The following PDZD8 variants were observed in gnomAD, a reference collection of about 807,000 sequenced individuals.
PDZD8 encodes PDZ domain containing 8, also known as PDZ domain-containing protein 8.
PDZD8 carries 14 observed loss-of-function variants against 85.8 expected under a neutral mutation model. The ratio of observed to expected loss-of-function variants is 0.16; its 90% CI spans 0.11 to 0.26. The LOEUF (loss-of-function observed/expected upper bound fraction) is 0.26. Among genes scored for constraint, PDZD8 ranks in the 10% least tolerant of loss-of-function variants. The pLI is 1.00. For synonymous variants in PDZD8, 592 were observed against 568.6 expected (o/e 1.04, Z -0.59); for missense variants, 1,197 against 1,424.3 (o/e 0.84, Z 2.57).
chr10:117,352,375 A>G (rs1255592863), intron 1 of PDZD8, among the ~76,000 whole-genome samples: 1 of 152,216 alleles, frequency 6.6e-6, no homozygotes, highest in Non-Finnish European at 1.5e-5. Context: ...AGAGCTAGTG[A>G]AAAAAGGACA....
chr10:117,355,028 T>C (rs1844868977), intron 1 of PDZD8, among the ~76,000 whole-genome samples: 1 of 152,192 alleles, frequency 6.6e-6, no homozygotes, highest in South Asian at 2.1e-4. Context: ...GAAAACAAAG[T>C]ACAATGGTTC....
At chr10:117,335,286 C>T (rs750049535) in intron 2 of PDZD8, among the ~76,000 whole-genome samples, 1 of 152,086 alleles carries the variant, frequency 6.6e-6, no homozygotes, top group Non-Finnish European at 1.5e-5. Flanking sequence ...AATTTGTTGC[C>T]AGCAGACCTA....
intron 3 of PDZD8, among the ~76,000 whole-genome samples, chr10:117,312,867 G>A (rs1055950602): frequency 6.6e-5 from 10 of 151,844 alleles, no homozygotes; most frequent in African/African-American, 2.4e-4. Context: ...TTGTATTATA[G>A]CAACCATAAA....
intron 3 of PDZD8, among the ~76,000 whole-genome samples, chr10:117,299,977 A>G (rs117345189): frequency 0.032 from 4,902 of 152,206 alleles, 88 homozygotes; most frequent in South Asian, 0.039. Flanking sequence ...TTTTAAAACA[A>G]CAGAACCACC....
intron 1 of PDZD8, among the ~76,000 whole-genome samples, chr10:117,364,182 GT>G (rs1564713919): frequency 8.0e-4 from 9 of 11,258 alleles, no homozygotes; most frequent in Middle Eastern, 0.17. Context: ...TAATTTATGG[GT>G]GTGTGTGTGT....
chr10:117,346,111 T>C (rs954253983), intron 1 of PDZD8, among the ~76,000 whole-genome samples: 1 of 151,256 alleles, frequency 6.6e-6, no homozygotes, highest in African/African-American at 2.4e-5. Context: ...CGTGGTGGCA[T>C]GCACCTGTAA....
Position 117,375,171 on chromosome 10 carries a change from G to A in PDZD8, c.57C>T (p.Leu19=), listed in dbSNP as rs371380367. The change falls in exon 1 of 5, where the codon CTC becomes CTT. Residue 19 remains leucine (L), a synonymous_variant. Transcript: ENST00000334464. ...ASAVLGSFLT[L]LAQFFLLYRR... ...GGTACAGCAGGAAGAACTGGGCGAG[G>A]AGCGTGAGGAAGGAACCCAGCACGG... 1.3e-6 allele frequency: 2 copies of A among 1,582,180 alleles called. No homozygotes were observed. The highest frequency in any genetic ancestry group is 1.7e-6 in the Non-Finnish European group (2 of 1,170,598).
intron 1 of PDZD8, among the ~76,000 whole-genome samples, chr10:117,345,039 C>T (rs1252950743): frequency 2.0e-5 from 3 of 152,190 alleles, no homozygotes; most frequent in Non-Finnish European, 4.4e-5. Context: ...TGTGGTATCA[C>T]CCAGAGAGAA....
intron 1 of PDZD8, among the ~76,000 whole-genome samples, chr10:117,373,604 C>CAAAAAAAAAAAAA (rs796930758): frequency 1.9e-5 from 1 of 52,430 alleles, no homozygotes; most frequent in African/African-American, 6.7e-5. Flanking sequence ...CTAAAAAATA[C>CAAAAAAAAAAAAA]AAAAAAAAAA....
In PDZD8 at chr10:117,352,288, T is replaced by C. The variant is rs117540131; in HGVS notation, c.873-11186A>G. ...GGTCTAGATCTACTGTTAACTGCAG[T>C]TGAGCGTTCATGTTCTTGCTCAAGT... On this transcript the variant is annotated intron_variant, in intron 1 of 4. Coordinates refer to ENST00000334464, the MANE Select transcript of PDZD8 (RefSeq NM_173791.5). Among the ~76,000 whole-genome samples, 813 of 152,314 alleles carry C rather than the reference T, an allele frequency of 5.3e-3. 1 individual carries two copies. Among genetic ancestry groups the C allele is most frequent in the Admixed American group, 0.012 (186 of 15,308 alleles).
intron 1 of PDZD8, among the ~76,000 whole-genome samples, chr10:117,349,305 C>T (rs929829454): frequency 2.0e-5 from 3 of 152,082 alleles, no homozygotes; most frequent in Non-Finnish European, 4.4e-5. Flanking sequence ...AAGGAATACT[C>T]TGAAAATCTG....
At chr10:117,372,336 T>G (rs1845208110) in intron 1 of PDZD8, among the ~76,000 whole-genome samples, 1 of 152,220 alleles carries the variant, frequency 6.6e-6, no homozygotes. Flanking sequence ...TTTTTCAAAG[T>G]AATAAACTTC....
intron 3 of PDZD8, among the ~76,000 whole-genome samples, chr10:117,306,915 C>CA (rs1843953370): frequency 6.6e-6 from 1 of 152,090 alleles, no homozygotes; most frequent in Non-Finnish European, 1.5e-5. Flanking sequence ...GACATTCTCT[C>CA]ACATAACCAC....
At chr10:117,325,894 G>C (rs1172139060) in intron 2 of PDZD8, among the ~76,000 whole-genome samples, 1 of 152,106 alleles carries the variant, frequency 6.6e-6, no homozygotes, top group Non-Finnish European at 1.5e-5. Flanking sequence ...TCAAGGGTGG[G>C]ACCAGGTGAA....
At position 117,364,735 on chromosome 10, in the gene PDZD8, G is replaced by A. The variant is rs186808774; in HGVS notation, c.872+9621C>T. ...AACAGATTAAGTGAGAAGTGGTGAC[G>A]AAAGATAAGGTCAGAGGCAGAGAGA... On this transcript the variant is annotated intron_variant, in intron 1 of 4. Transcript: ENST00000334464. Among the ~76,000 whole-genome samples, 5 of 152,190 alleles carry A rather than the reference G, an allele frequency of 3.3e-5. No individual in the cohort carries two copies. In the East Asian group the frequency reaches 5.8e-4, roughly 18 times the overall value.
At chr10:117,351,372 T>C (rs1020814935) in intron 1 of PDZD8, among the ~76,000 whole-genome samples, 1 of 152,164 alleles carries the variant, frequency 6.6e-6, no homozygotes, top group Non-Finnish European at 1.5e-5. Context: ...ACTCTTGAGC[T>C]AAAGACAACA....
chr10:117,311,930 C>T (rs996346121), intron 3 of PDZD8, among the ~76,000 whole-genome samples: 1 of 151,596 alleles, frequency 6.6e-6, no homozygotes, highest in Non-Finnish European at 1.5e-5. Context: ...AAGCATGGTG[C>T]CACGAAGGAG....
intron 2 of PDZD8, among the ~76,000 whole-genome samples, chr10:117,333,136 A>AAAAAAAAAG (rs1351424513): frequency 6.7e-6 from 1 of 149,546 alleles, no homozygotes; most frequent in African/African-American, 2.4e-5. Context: ...AAAAAAAAAA[A>AAAAAAAAAG]AAAAAAAGGG....
chr10:117,344,792 T>C (rs931425320), intron 1 of PDZD8, among the ~76,000 whole-genome samples: 9 of 152,176 alleles, frequency 5.9e-5, no homozygotes, highest in Non-Finnish European at 1.3e-4. Flanking sequence ...ACATTTCTCA[T>C]CTAGCCTCCA....
Sources: gnomAD v4.1 joint callset for allele counts (sites outside exome capture counted in the v4.1 genomes callset) on GRCh38, gnomAD v4.1.1 for gene constraint, MANE v1.5 for transcripts, NCBI Gene and HGNC (gene_info 2026-07-23, HGNC 2026-07-21) for gene names.